EFCAB6: variants seen among roughly 807,000 people sequenced by gnomAD.
EFCAB6 encodes EF-hand calcium-binding domain-containing protein 6.
Under a neutral mutation model 169.8 loss-of-function variants are expected in EFCAB6, and 156 were observed. That is an observed-to-expected ratio of 0.92 (90% CI 0.81 to 1.05). The LOEUF is 1.05. EFCAB6 is among the 50% of genes least tolerant of loss of function. The pLI is 0.00. For synonymous variants in EFCAB6, 698 were observed against 676.4 expected, an observed-to-expected ratio of 1.03 and a Z score of -0.50; for missense variants, 1,800 against 1,829.1, an observed-to-expected ratio of 0.98 and a Z score of 0.29.
At chr22:43,715,072 A>C (rs1375928624) in intron 9 of EFCAB6, among the ~76,000 whole-genome samples, 2 of 152,208 alleles carry the variant, frequency 1.3e-5, no homozygotes, top group African/African-American at 2.4e-5. Context: ...TCATAGCAGA[A>C]AGCCAGCCCA....
At chr22:43,543,346 C>T (rs2047857742) in intron 27 of EFCAB6, among the ~76,000 whole-genome samples, 2 of 152,334 alleles carry the variant, frequency 1.3e-5, no homozygotes, top group South Asian at 4.1e-4. Flanking sequence ...CCACCTGCCC[C>T]CAGCCCTTCT....
intron 3 of EFCAB6, among the ~76,000 whole-genome samples, chr22:43,777,887 G>A (rs181948816): frequency 6.6e-6 from 1 of 152,324 alleles, no homozygotes; most frequent in Admixed American, 6.5e-5. Context: ...TGCAGAACCT[G>A]CTGGTGGGAG....
chr22:43,613,330 A>G (rs2053458277), intron 21 of EFCAB6, among the ~76,000 whole-genome samples: 1 of 152,050 alleles, frequency 6.6e-6, no homozygotes, highest in South Asian at 2.1e-4. Flanking sequence ...CTGCAGCACT[A>G]TTCATGATAG....
intron 17 of EFCAB6, among the ~76,000 whole-genome samples, chr22:43,666,691 GTTTT>G (rs137764): frequency 3.9e-5 from 3 of 77,864 alleles, no homozygotes; most frequent in Non-Finnish European, 6.9e-5. Flanking sequence ...CTGCCAGATT[GTTTT>G]TTTTTTTTTT....
chr22:43,601,177 T>C (rs2147534626), intron 22 of EFCAB6, among the ~76,000 whole-genome samples: 2 of 152,338 alleles, frequency 1.3e-5, no homozygotes, highest in South Asian at 4.1e-4. Context: ...AGATAAGAAT[T>C]ATGCTATGTA....
chr22:43,783,810 C>A (rs1311203889), intron 2 of EFCAB6, among the ~76,000 whole-genome samples: 1 of 152,170 alleles, frequency 6.6e-6, no homozygotes, highest in Non-Finnish European at 1.5e-5. Context: ...GTAATCCCAG[C>A]ATTTTGGGAG....
Position 43,678,023 on chromosome 22 carries a change from A to G in EFCAB6, c.1392T>C (p.Phe464=). 8 of 1,614,044 alleles carry G rather than the reference A, an allele frequency of 5.0e-6. No homozygotes were observed. Among genetic ancestry groups the G allele is most frequent in the Non-Finnish European group, 6.8e-6 (8 of 1,179,992 alleles). The stretch of plus-strand genomic sequence containing the variant: ...TACAGTTCTCTTCAATCAGATCAAT[A>G]AACATGCTGGTGTTGACCACTCCAG... The part of the protein sequence containing the change: ...GDTGVVNTSM[F]IDLIEENCRM... Residue 464 remains phenylalanine (F), a synonymous_variant, in exon 13 of 32, where the codon TTT becomes TTC. Coordinates refer to ENST00000262726, the MANE Select transcript of EFCAB6 (RefSeq NM_022785.4).
At chr22:43,536,028 T>A (rs954398407) in intron 29 of EFCAB6, 1 of 152,206 alleles carries the variant, frequency 6.6e-6, no homozygotes, top group Admixed American at 6.5e-5. Context: ...ATCGGCTTTT[T>A]TTTACAGTAT....
intron 21 of EFCAB6, among the ~76,000 whole-genome samples, chr22:43,615,225 G>T (rs1366006890): frequency 6.6e-6 from 1 of 152,170 alleles, no homozygotes; most frequent in Non-Finnish European, 1.5e-5. Context: ...GTGATCTCCA[G>T]CCTAGATTTC....
At chr22:43,543,830 G>A (rs1015009803) in intron 27 of EFCAB6, among the ~76,000 whole-genome samples, 4 of 152,106 alleles carry the variant, frequency 2.6e-5, no homozygotes, top group Admixed American at 1.3e-4. Flanking sequence ...CGAGGGTGGC[G>A]CAGGAATGCT....
intron 25 of EFCAB6, among the ~76,000 whole-genome samples, chr22:43,578,124 T>C (rs1023418219): frequency 6.6e-6 from 1 of 152,096 alleles, no homozygotes; most frequent in Non-Finnish European, 1.5e-5. Flanking sequence ...ACAAGTCCAT[T>C]TCCCCTTCCT....
At chr22:43,793,628 T>A (rs2062392260) in intron 2 of EFCAB6, among the ~76,000 whole-genome samples, 1 of 123,386 alleles carries the variant, frequency 8.1e-6, no homozygotes, top group African/African-American at 3.1e-5. Context: ...CCCCGCAGCA[T>A]CTCCAACTAA....
At position 43,576,496 on chromosome 22, in the gene EFCAB6, G is replaced by GAAAGA; in HGVS notation, c.3229-13_3229-9dup. 1 of 1,507,012 alleles carries GAAAGA rather than the reference G, an allele frequency of 6.6e-7. No homozygotes were observed. Among genetic ancestry groups the GAAAGA allele is most frequent in the Non-Finnish European group, 8.8e-7 (1 of 1,135,530 alleles). The allele number at this position is 1,507,012 out of a possible 1,614,324, so 93.4% of individuals were successfully genotyped here. ...ATCCAATGCAGAAAATGCCTAAAAAGAAAGAAAAGAAAAAAAGATGGCAAA... is the reference window on the plus strand; with the variant it reads ...ATCCAATGCAGAAAATGCCTAAAAAGAAAGAAAAGAAAAGAAAAAAAGATGGCAAA... On this transcript the variant is annotated splice_polypyrimidine_tract_variant and intron_variant, in intron 25 of 31. Transcript: ENST00000262726.
intron 21 of EFCAB6, among the ~76,000 whole-genome samples, chr22:43,615,449 G>C (rs554967787): frequency 5.6e-4 from 86 of 152,302 alleles, no homozygotes; most frequent in Middle Eastern, 3.4e-3. Context: ...ATAAAATTAA[G>C]TACAACAGCA....
intron 10 of EFCAB6, among the ~76,000 whole-genome samples, chr22:43,707,527 T>G (rs979544837): frequency 1.3e-5 from 2 of 151,784 alleles, no homozygotes; most frequent in African/African-American, 4.8e-5. Flanking sequence ...AAAAAAGAAA[T>G]CACCTATAAA....
Position 43,762,399 on chromosome 22 carries a change from C to A in EFCAB6, c.440+2906G>T, listed in dbSNP as rs566854310. Among the ~76,000 whole-genome samples the A allele has an allele frequency of 5.3e-5, 8 of 152,280 alleles. No homozygotes were observed. The South Asian group carries it at 1.2e-3, about 24-fold the overall frequency. On this transcript the variant is annotated intron_variant, in intron 5 of 31. Coordinates refer to ENST00000262726, the MANE Select transcript of EFCAB6 (RefSeq NM_022785.4). ...CAAATTCACCAGGATTTGGCCAATACCCTCAGGGAGAAGCTGACTTTGTAG... is the reference window on the plus strand; with the variant it reads ...CAAATTCACCAGGATTTGGCCAATAACCTCAGGGAGAAGCTGACTTTGTAG...
intron 6 of EFCAB6, among the ~76,000 whole-genome samples, chr22:43,749,601 C>T (rs766096213): frequency 6.6e-6 from 1 of 152,098 alleles, no homozygotes; most frequent in Non-Finnish European, 1.5e-5. Context: ...AAGCTAATGC[C>T]GCTGCTGATC....
At chr22:43,554,607 A>G in intron 27 of EFCAB6, 1 of 476,192 alleles carries the variant, frequency 2.1e-6, no homozygotes, top group Non-Finnish European at 3.8e-6. Context: ...AGGGAGAAGG[A>G]GTGTGGGAGC....
intron 22 of EFCAB6, among the ~76,000 whole-genome samples, chr22:43,601,192 T>G (rs1475628826): frequency 6.6e-6 from 1 of 152,214 alleles, no homozygotes; most frequent in Non-Finnish European, 1.5e-5. Context: ...TATGTACCTT[T>G]TATGTCATTT....
Sources: gnomAD v4.1 joint callset for allele counts (sites outside exome capture counted in the v4.1 genomes callset) on GRCh38, gnomAD v4.1.1 for gene constraint, MANE v1.5 for transcripts, NCBI Gene and HGNC (gene_info 2026-07-23, HGNC 2026-07-21) for gene names.